Variants in PLEKHA5 observed in about 807,000 individuals in gnomAD.
PLEKHA5 encodes pleckstrin homology domain-containing family A member 5.
In PLEKHA5, 55 loss-of-function variants were observed where a neutral mutation model predicts 181.9. The observed-to-expected ratio is 0.30, with a 90% CI of 0.24 to 0.38. PLEKHA5 has a LOEUF of 0.38. Ranked by LOEUF, PLEKHA5 falls within the 10% of genes least tolerant of loss-of-function variation. The probability of loss-of-function intolerance (pLI) is 1.00; values close to 1 mark genes in which losing one functional copy is unlikely to be tolerated. For synonymous variants in PLEKHA5, 535 were observed against 529.4 expected, an observed-to-expected ratio of 1.01 and a Z score of -0.15; for missense variants, 1,432 against 1,549.5, an observed-to-expected ratio of 0.92 and a Z score of 1.27.
intron 3 of PLEKHA5, among the ~76,000 whole-genome samples, chr12:19,238,064 T>G (rs1476743327): frequency 6.6e-6 from 1 of 152,022 alleles, no homozygotes; most frequent in East Asian, 1.9e-4. Context: ...CAAGGTCTTT[T>G]AGAAGAATTT....
At chr12:19,330,336 A>G (rs941966129) in intron 20 of PLEKHA5, among the ~76,000 whole-genome samples, 3 of 152,218 alleles carry the variant, frequency 2.0e-5, no homozygotes, top group African/African-American at 7.2e-5. Flanking sequence ...GGATAGCTTT[A>G]TAATTGTGGC....
chr12:19,228,176 A>C (rs894105556), intron 3 of PLEKHA5, among the ~76,000 whole-genome samples: 1 of 152,084 alleles, frequency 6.6e-6, no homozygotes, highest in African/African-American at 2.4e-5. Context: ...CTGCTGATAA[A>C]TCTCCTTTGA....
At chr12:19,345,780 G>T (rs1019047192) in intron 22 of PLEKHA5, 62 bp from the exon 23 acceptor site, 3 of 816,228 alleles carry the variant, frequency 3.7e-6, no homozygotes, top group Non-Finnish European at 5.8e-6. Context: ...AAAAGAAATT[G>T]TTCTTTTTTT....
At chr12:19,355,499 G>A (rs1296380995) in intron 26 of PLEKHA5, among the ~76,000 whole-genome samples, 1 of 151,658 alleles carries the variant, frequency 6.6e-6, no homozygotes, top group African/African-American at 2.4e-5. Flanking sequence ...CAATAAGCAC[G>A]TACCACCATA....
At chr12:19,375,078 C>G (rs1198570626) in intron 31 of PLEKHA5, among the ~76,000 whole-genome samples, 1 of 152,018 alleles carries the variant, frequency 6.6e-6, no homozygotes, top group Admixed American at 6.6e-5. Context: ...AATCCTAGCA[C>G]TTTGGGAGGC....
intron 3 of PLEKHA5, among the ~76,000 whole-genome samples, chr12:19,174,876 C>T (rs527302945): frequency 3.9e-5 from 6 of 152,280 alleles, no homozygotes; most frequent in Non-Finnish European, 7.4e-5. Context: ...AGAATCTAAA[C>T]AAGCAGTTCA....
intron 3 of PLEKHA5, among the ~76,000 whole-genome samples, chr12:19,244,544 T>C (rs775499821): frequency 6.6e-6 from 1 of 152,178 alleles, no homozygotes; most frequent in African/African-American, 2.4e-5. Flanking sequence ...TTGCCAGGAG[T>C]GGCAGAAGAA....
intron 15 of PLEKHA5, among the ~76,000 whole-genome samples, chr12:19,301,183 A>G (rs1218542327): frequency 6.6e-6 from 1 of 152,154 alleles, no homozygotes; most frequent in Admixed American, 6.5e-5. Flanking sequence ...ATATTTTAGA[A>G]TAGATTTATC....
intron 15 of PLEKHA5, among the ~76,000 whole-genome samples, chr12:19,311,038 G>T (rs569046319): frequency 1.3e-5 from 2 of 152,230 alleles, no homozygotes; most frequent in Non-Finnish European, 2.9e-5. Flanking sequence ...TAAGACAACA[G>T]TGAAGTTTGT....
intron 3 of PLEKHA5, among the ~76,000 whole-genome samples, chr12:19,238,644 A>G (rs2061831712): frequency 2.0e-5 from 3 of 152,136 alleles, no homozygotes; most frequent in Non-Finnish European, 2.9e-5. Flanking sequence ...TCGGTAAGTT[A>G]CTGTGGTGAT....
At chr12:19,293,904 A>T (rs890641968) in intron 15 of PLEKHA5, among the ~76,000 whole-genome samples, 1 of 152,118 alleles carries the variant, frequency 6.6e-6, no homozygotes, top group Non-Finnish European at 1.5e-5. Context: ...AACCTTTTCT[A>T]CTGCTCCATG....
chr12:19,353,345 T>C (rs1170324614), intron 25 of PLEKHA5, among the ~76,000 whole-genome samples: 1 of 150,884 alleles, frequency 6.6e-6, no homozygotes, highest in Non-Finnish European at 1.5e-5. Context: ...ATAGTAGAGA[T>C]AGGGTTTCAC....
At chr12:19,258,259 G>A (rs1015875337) in intron 6 of PLEKHA5, among the ~76,000 whole-genome samples, 2 of 152,040 alleles carry the variant, frequency 1.3e-5, no homozygotes, top group African/African-American at 2.4e-5. Flanking sequence ...TTACTTCCCA[G>A]TTTGCAGCTA....
chr12:19,345,283 C>G (rs1302263688), intron 22 of PLEKHA5, among the ~76,000 whole-genome samples: 1 of 151,544 alleles, frequency 6.6e-6, no homozygotes, highest in Non-Finnish European at 1.5e-5. Context: ...ACCTATAGTC[C>G]CAGCTGCTCG....
At chr12:19,227,958 A>G (rs7970072) in intron 3 of PLEKHA5, among the ~76,000 whole-genome samples, 13,008 of 152,170 alleles carry the variant, frequency 0.085, 611 homozygotes, top group South Asian at 0.14. Context: ...TTTCTTTCAT[A>G]TTCATTTCTG....
chr12:19,342,706 G>A (rs952232287), intron 21 of PLEKHA5, among the ~76,000 whole-genome samples: 3 of 152,128 alleles, frequency 2.0e-5, no homozygotes, highest in African/African-American at 7.2e-5. Context: ...GCGCCCAGGA[G>A]GCAGAGGCTG....
intron 3 of PLEKHA5, among the ~76,000 whole-genome samples, chr12:19,190,063 TAA>T (rs1409887408): frequency 6.6e-6 from 1 of 152,228 alleles, no homozygotes; most frequent in Admixed American, 6.5e-5. Context: ...TCGTATATTT[TAA>T]AAGTTATTAT....
intron 20 of PLEKHA5, among the ~76,000 whole-genome samples, chr12:19,324,225 C>A (rs961162705): frequency 6.6e-6 from 1 of 152,106 alleles, no homozygotes; most frequent in Non-Finnish European, 1.5e-5. Context: ...GAATTCCAAA[C>A]GTGAGCCATT....
At position 19,200,543 on chromosome 12, in the gene PLEKHA5, A is replaced by G. The variant is rs547093798; in HGVS notation, c.228-53397A>G. ...TTACTCACCTCAGAATGCTTGTCTCACTCCTCTTTTCCTCATTCCTAGTAG... is the reference window on the plus strand; with the variant it reads ...TTACTCACCTCAGAATGCTTGTCTCGCTCCTCTTTTCCTCATTCCTAGTAG... On this transcript the variant is annotated intron_variant, in intron 3 of 31. Transcript: ENST00000429027. The G allele has an allele frequency of 4.8e-5, 63 of 1,308,018 alleles. No homozygotes were observed. In the South Asian group the frequency reaches 1.3e-3, roughly 28 times the overall value. 81.0% of individuals were successfully genotyped at this position (1,308,018 alleles called of 1,614,324 possible). A position where few individuals can be genotyped will look rare whatever the true frequency, so the allele number is the denominator to read the frequency against.
Sources: gnomAD v4.1 joint callset for allele counts (sites outside exome capture counted in the v4.1 genomes callset) on GRCh38, gnomAD v4.1.1 for gene constraint, MANE v1.5 for transcripts, NCBI Gene and HGNC (gene_info 2026-07-23, HGNC 2026-07-21) for gene names.